The following SNX3 variants were observed in gnomAD, a reference collection of about 807,000 sequenced individuals.
SNX3 encodes sorting nexin 3, also known as sorting nexin-3.
SNX3 carries 5 observed loss-of-function variants against 17.7 expected under a neutral mutation model. That is an observed-to-expected ratio of 0.28 (90% CI 0.15 to 0.59). The LOEUF is 0.59. Among genes scored for constraint, SNX3 ranks in the 20% least tolerant of loss-of-function variants. SNX3 has a pLI of 0.88. For synonymous variants in SNX3, 91 were observed against 76.5 expected (o/e 1.19, Z -0.99); for missense variants, 132 against 206.8 (o/e 0.64, Z 2.22).
intron 1 of SNX3, among the ~76,000 whole-genome samples, chr6:108,230,149 A>T (rs217137): frequency 2.0e-3 from 299 of 152,078 alleles, no homozygotes; most frequent in African/African-American, 6.9e-3. Flanking sequence ...CCCAGAAAGA[A>T]TGCTGAATTC....
chr6:108,239,210 C>G (rs1043391466), intron 1 of SNX3, among the ~76,000 whole-genome samples: 3 of 152,052 alleles, frequency 2.0e-5, no homozygotes, highest in Non-Finnish European at 2.9e-5. Flanking sequence ...GCCCTTGACA[C>G]CTTTTCTGAT....
At chr6:108,248,546 A>G (rs886193485) in intron 1 of SNX3, among the ~76,000 whole-genome samples, 29 of 152,204 alleles carry the variant, frequency 1.9e-4, no homozygotes, top group African/African-American at 6.5e-4. Flanking sequence ...AAAACAATTG[A>G]TCGGATGTTT....
intron 2 of SNX3, among the ~76,000 whole-genome samples, chr6:108,217,047 GA>G (rs1339486725): frequency 6.6e-6 from 1 of 151,994 alleles, no homozygotes; most frequent in Non-Finnish European, 1.5e-5. Flanking sequence ...GGTGGGCAGG[GA>G]AAAATATCTG....
rs774682097 is a variant in SNX3, at chr6:108,260,930, A to AGCT, written c.-12_-10dup. 1.3e-5 allele frequency: 20 copies of AGCT among 1,564,908 alleles called. No individual in the cohort carries two copies. Among genetic ancestry groups the AGCT allele is most frequent in the Admixed American group, 1.8e-5 (1 of 54,438 alleles). ...GCCACGGTCTCCGCCATTTCGCTGT[A>AGCT]GCTGCTGCCGCCGCCGCGGGCTCCC... is the stretch of plus-strand genomic sequence containing the variant. On this transcript the variant is annotated 5_prime_UTR_variant, in exon 1 of 4. Transcript: ENST00000230085.
intron 1 of SNX3, among the ~76,000 whole-genome samples, chr6:108,240,248 C>T (rs967674303): frequency 2.6e-5 from 4 of 152,100 alleles, no homozygotes; most frequent in South Asian, 4.1e-4. Context: ...GAAGGAGTCT[C>T]GCTCTTGTTG....
At chr6:108,251,376 G>T (rs530190818) in intron 1 of SNX3, among the ~76,000 whole-genome samples, 1 of 152,176 alleles carries the variant, frequency 6.6e-6, no homozygotes, top group East Asian at 1.9e-4. Flanking sequence ...ACAACCATTT[G>T]TTAATGTGGC....
At chr6:108,248,501 A>G (rs1469439247) in intron 1 of SNX3, among the ~76,000 whole-genome samples, 2 of 152,236 alleles carry the variant, frequency 1.3e-5, no homozygotes, top group Non-Finnish European at 2.9e-5. Context: ...CTCAAGTTAA[A>G]GTTAACAACT....
intron 1 of SNX3, among the ~76,000 whole-genome samples, chr6:108,230,798 A>C (rs1383784012): frequency 6.6e-6 from 1 of 152,204 alleles, no homozygotes; most frequent in Non-Finnish European, 1.5e-5. Context: ...ACATTAAAAG[A>C]GCAGAGAACT....
intron 1 of SNX3, among the ~76,000 whole-genome samples, chr6:108,246,100 T>G (rs975635916): frequency 2.0e-5 from 3 of 152,118 alleles, no homozygotes; most frequent in Non-Finnish European, 4.4e-5. Context: ...TTAATCCATC[T>G]GAGTTAATTT....
At chr6:108,229,801 A>T (rs1227029822) in intron 1 of SNX3, among the ~76,000 whole-genome samples, 1 of 152,236 alleles carries the variant, frequency 6.6e-6, no homozygotes, top group Non-Finnish European at 1.5e-5. Flanking sequence ...TCTAAAGCAT[A>T]GGGAATGATG....
chr6:108,243,581 GA>G (rs1201099335), intron 1 of SNX3, among the ~76,000 whole-genome samples: 1 of 152,060 alleles, frequency 6.6e-6, no homozygotes, highest in African/African-American at 2.4e-5. Context: ...AAAGAAAAAA[GA>G]AATACTAAAG....
chr6:108,226,389 T>C (rs1264778743), intron 1 of SNX3, among the ~76,000 whole-genome samples: 1 of 152,194 alleles, frequency 6.6e-6, no homozygotes, highest in Non-Finnish European at 1.5e-5. Flanking sequence ...GATTTTAAAA[T>C]GTGCAAATTA....
intron 1 of SNX3, among the ~76,000 whole-genome samples, chr6:108,236,125 CTG>C (rs1775321759): frequency 6.6e-6 from 1 of 152,036 alleles, no homozygotes; most frequent in African/African-American, 2.4e-5. Flanking sequence ...TAAATAAAAA[CTG>C]TAATTGAAGA....
chr6:108,258,014 T>G (rs1411245317), intron 1 of SNX3, among the ~76,000 whole-genome samples: 1 of 152,142 alleles, frequency 6.6e-6, no homozygotes, highest in Non-Finnish European at 1.5e-5. Flanking sequence ...AGTCATTTCA[T>G]GCATTAAAAA....
intron 1 of SNX3, among the ~76,000 whole-genome samples, chr6:108,236,568 A>G (rs1024863096): frequency 1.3e-5 from 2 of 151,050 alleles, no homozygotes; most frequent in Non-Finnish European, 3.0e-5. Context: ...TATTTTTAGT[A>G]GAGACGGGGT....
intron 1 of SNX3, among the ~76,000 whole-genome samples, chr6:108,257,240 T>G (rs1776057041): frequency 6.6e-6 from 1 of 152,142 alleles, no homozygotes; most frequent in Non-Finnish European, 1.5e-5. Context: ...ATTGCAGGGC[T>G]GGGTGAGGTG....
intron 1 of SNX3, among the ~76,000 whole-genome samples, chr6:108,234,092 TGGGGA>T (rs1393049195): frequency 6.6e-6 from 1 of 150,930 alleles, no homozygotes; most frequent in Non-Finnish European, 1.5e-5. Context: ...AAAGAGGGGG[TGGGGA>T]GGGGAGAGCG....
At chr6:108,238,216 A>C (rs1398623556) in intron 1 of SNX3, among the ~76,000 whole-genome samples, 2 of 151,984 alleles carry the variant, frequency 1.3e-5, no homozygotes, top group Non-Finnish European at 2.9e-5. Context: ...GCATTAGCTG[A>C]TTTTATGACA....
chr6:108,260,529 C>T (rs1235802177), intron 1 of SNX3, among the ~76,000 whole-genome samples: 3 of 152,210 alleles, frequency 2.0e-5, no homozygotes, highest in Admixed American at 6.5e-5. Flanking sequence ...TCAACCCACG[C>T]CCTCCTCTTC....
Sources: allele counts gnomAD v4.1 joint callset (sites outside exome capture counted in the v4.1 genomes callset), GRCh38; gene constraint gnomAD v4.1.1; transcripts MANE v1.5; gene names NCBI Gene and HGNC (gene_info 2026-07-23, HGNC 2026-07-21).